Variants in FANCL observed in about 807,000 individuals in gnomAD.
FANCL encodes FA complementation group L.
A neutral mutation model predicts 59.4 loss-of-function variants in FANCL; 69 were observed. The ratio of observed to expected loss-of-function variants is 1.16; its 90% CI spans 0.96 to 1.42. The LOEUF is 1.42. Ranked by LOEUF, FANCL falls within the 40% of genes most tolerant of loss-of-function variation. The probability of loss-of-function intolerance (pLI) is 0.00; values close to 1 mark genes in which losing one functional copy is unlikely to be tolerated. For synonymous variants in FANCL, 180 were observed against 147.1 expected (o/e 1.22, Z -1.62); for missense variants, 519 against 447.2 (o/e 1.16, Z -1.45).
At chr2:58,220,749 A>G (rs1394387292) in intron 5 of FANCL, among the ~76,000 whole-genome samples, 1 of 152,214 alleles carries the variant, frequency 6.6e-6, no homozygotes, top group African/African-American at 2.4e-5. Context: ...AATAGCTAAA[A>G]AACAGATGAA....
intron 6 of FANCL, among the ~76,000 whole-genome samples, chr2:58,201,686 C>T (rs1333069878): frequency 6.6e-6 from 1 of 151,862 alleles, no homozygotes; most frequent in Non-Finnish European, 1.5e-5. Flanking sequence ...GTAAGCATTG[C>T]ATAAAAATAT....
intron 5 of FANCL, among the ~76,000 whole-genome samples, chr2:58,218,390 C>G (rs1162511401): frequency 6.6e-6 from 1 of 151,792 alleles, no homozygotes; most frequent in Admixed American, 6.6e-5. Context: ...ATTGATATGG[C>G]TCTTGCAAAA....
chr2:58,181,570 A>C (rs1466607464), intron 7 of FANCL, among the ~76,000 whole-genome samples: 2 of 152,052 alleles, frequency 1.3e-5, no homozygotes, highest in African/African-American at 4.8e-5. Flanking sequence ...TATTTTGAAG[A>C]AAGTATTCAG....
At chr2:58,176,595 G>A (rs140583765) in intron 7 of FANCL, among the ~76,000 whole-genome samples, 2,083 of 152,242 alleles carry the variant, frequency 0.014, 64 homozygotes, top group African/African-American at 0.048. Flanking sequence ...AGCTGAAACC[G>A]GATCCCTTCC....
rs1237296066 is a variant in FANCL at position 58,159,377 on chromosome 2, AAG to A, written c.*386_*387del. On this transcript the variant is annotated 3_prime_UTR_variant, in exon 14 of 14. Transcript: ENST00000233741. The stretch of plus-strand genomic sequence containing the variant: ...AGCACAAGGAGAAGACAGAAATATC[AAG>A]AGTCTCAAGAACCTTTGAATGAAGT... 1 of 1,610,470 alleles carries A rather than the reference AAG, an allele frequency of 6.2e-7. No individual in the cohort carries two copies. The highest frequency in any genetic ancestry group is 1.1e-5 in the South Asian group (1 of 90,498).
intron 7 of FANCL, among the ~76,000 whole-genome samples, chr2:58,172,780 G>A (rs1252147625): frequency 1.3e-5 from 2 of 152,204 alleles, no homozygotes; most frequent in East Asian, 3.9e-4. Flanking sequence ...GAACAAAGCT[G>A]GACAGAGAAT....
intron 11 of FANCL, 63 bp downstream of exon 11, chr2:58,162,803 G>C: frequency 7.3e-7 from 1 of 1,367,322 alleles, no homozygotes; most frequent in Non-Finnish European, 1.0e-6. Context: ...TTTTCACTGA[G>C]AGAAGCATTT....
intron 5 of FANCL, among the ~76,000 whole-genome samples, chr2:58,207,781 G>A (rs563553886): frequency 4.0e-4 from 61 of 152,220 alleles, no homozygotes; most frequent in African/African-American, 1.3e-3. Context: ...GTTTCATGTC[G>A]GGCATAATGA....
Position 58,163,083 on chromosome 2 carries a change from T to TA in FANCL, c.776-10dup, listed in dbSNP as rs374236117. 30,628 of 1,184,288 alleles carry TA rather than the reference T, an allele frequency of 0.026. 636 individuals carry two copies. Among genetic ancestry groups the TA allele is most frequent in the African/African-American group, 0.18 (11,748 of 66,742 alleles). 73.4% of individuals were successfully genotyped at this position (1,184,288 alleles called of 1,614,324 possible). Reference sequence around the variant, plus strand: ...TCCCAGGGGTTTTACCACTTCAGATTAAAAAAAAAAAATTTAATAATTGCA... The same window carrying TA: ...TCCCAGGGGTTTTACCACTTCAGATTAAAAAAAAAAAAATTTAATAATTGCA... On this transcript the variant is annotated splice_polypyrimidine_tract_variant and intron_variant, in intron 9 of 13. Coordinates refer to ENST00000233741, the MANE Select transcript of FANCL (RefSeq NM_018062.4).
At chr2:58,187,823 T>A (rs1688558660) in intron 7 of FANCL, among the ~76,000 whole-genome samples, 1 of 152,170 alleles carries the variant, frequency 6.6e-6, no homozygotes. Flanking sequence ...CTTTGAGAGT[T>A]CTTTATATAT....
chr2:58,166,326 T>C (rs1456541539), intron 7 of FANCL, among the ~76,000 whole-genome samples: 1 of 152,150 alleles, frequency 6.6e-6, no homozygotes, highest in Non-Finnish European at 1.5e-5. Context: ...TTTAGTGAGA[T>C]TACCTTTAAA....
chr2:58,166,013 G>A lies in FANCL; in HGVS notation c.541-139C>T, dbSNP rs568713154. 200 of 761,348 alleles carry A rather than the reference G, an allele frequency of 2.6e-4. 3 individuals are homozygous for A. The South Asian group carries it at 3.1e-3, about 12-fold the overall frequency. 47.2% of individuals were successfully genotyped at this position (761,348 alleles called of 1,614,324 possible). A position where few individuals can be genotyped will look rare whatever the true frequency, so the allele number is the denominator to read the frequency against. ...AAGTAGACTCCAGTAAACAGTAGTC[G>A]ACTCTCCCTGCTTCACATCTCTTCC... On this transcript the variant is annotated intron_variant, in intron 7 of 13. Transcript: ENST00000233741.
intron 7 of FANCL, among the ~76,000 whole-genome samples, chr2:58,197,059 T>C (rs1182698001): frequency 6.6e-6 from 1 of 151,752 alleles, no homozygotes; most frequent in Admixed American, 6.6e-5. Flanking sequence ...GTATTTTACT[T>C]ATAGCATACA....
chr2:58,215,664 T>C (rs183227822), intron 5 of FANCL, among the ~76,000 whole-genome samples: 1 of 148,914 alleles, frequency 6.7e-6, no homozygotes, highest in Non-Finnish European at 1.5e-5. Flanking sequence ...AGAAGAAGGA[T>C]CTGGGCAAAG....
At chr2:58,223,782 T>C (rs755869574) in intron 4 of FANCL, among the ~76,000 whole-genome samples, 15 of 151,976 alleles carry the variant, frequency 9.9e-5, no homozygotes, top group Non-Finnish European at 1.5e-4. Flanking sequence ...GTTAAATATA[T>C]ACTGAACTCC....
intron 5 of FANCL, among the ~76,000 whole-genome samples, chr2:58,219,029 T>C (rs1472106863): frequency 6.7e-6 from 1 of 149,176 alleles, no homozygotes; most frequent in Non-Finnish European, 1.5e-5. Context: ...TCCTAGTTTC[T>C]AATACCACTC....
At chr2:58,213,699 C>T (rs1264223873) in intron 5 of FANCL, 1 of 146,528 alleles carries the variant, frequency 6.8e-6, no homozygotes, top group African/African-American at 2.6e-5. Flanking sequence ...TACAGCAAAA[C>T]CTTGTCTCTT....
intron 7 of FANCL, among the ~76,000 whole-genome samples, chr2:58,166,161 G>GGT (rs1323461751): frequency 1.4e-5 from 1 of 69,110 alleles, no homozygotes; most frequent in African/African-American, 1.4e-4. Flanking sequence ...CAATAGTAAT[G>GGT]AGTACAAGAT....
Position 58,198,806 on chromosome 2 carries a change from G to A in FANCL, c.472-144C>T. 5 of 642,718 alleles carry A rather than the reference G, an allele frequency of 7.8e-6. No individual in the cohort carries two copies. The South Asian group carries it at 8.4e-5, about 11-fold the overall frequency. 39.8% of individuals were successfully genotyped at this position (642,718 alleles called of 1,614,324 possible). A position where few individuals can be genotyped will look rare whatever the true frequency, so the allele number is the denominator to read the frequency against. ...GCACTTTGGGAGGCCGAGGCGGGCG[G>A]ATCACAAGGTCAGGAGATCGAGATC... On this transcript the variant is annotated intron_variant, in intron 6 of 13. Coordinates refer to ENST00000233741, the MANE Select transcript of FANCL (RefSeq NM_018062.4).
Sources: gnomAD v4.1 joint callset for allele counts (sites outside exome capture counted in the v4.1 genomes callset) on GRCh38, gnomAD v4.1.1 for gene constraint, MANE v1.5 for transcripts, NCBI Gene and HGNC (gene_info 2026-07-23, HGNC 2026-07-21) for gene names.